SNX29: variants seen among roughly 807,000 people sequenced by gnomAD.
The protein encoded by SNX29 is sorting nexin 29.
SNX29 carries 78 observed loss-of-function variants against 102.1 expected under a neutral mutation model. The observed-to-expected ratio is 0.76, with a 90% CI of 0.64 to 0.92. The LOEUF (loss-of-function observed/expected upper bound fraction) is 0.92, where lower values mean the gene tolerates loss of function less well. Ranked by LOEUF, SNX29 falls within the 40% of genes least tolerant of loss-of-function variation. The pLI, the probability that SNX29 is intolerant of heterozygous loss-of-function variation, is 0.00. For synonymous variants in SNX29, 580 were observed against 414.5 expected, an observed-to-expected ratio of 1.40 and a Z score of -4.85; for missense variants, 1,280 against 1,061.7, an observed-to-expected ratio of 1.21 and a Z score of -2.86.
intron 11 of SNX29, among the ~76,000 whole-genome samples, chr16:12,125,746 C>A (rs1408121404): frequency 6.6e-6 from 1 of 151,176 alleles, no homozygotes; most frequent in South Asian, 2.1e-4. Flanking sequence ...CATGAGCCAC[C>A]GTGCCCGGCC....
intron 15 of SNX29, among the ~76,000 whole-genome samples, chr16:12,340,401 G>A (rs143626851): frequency 6.6e-6 from 1 of 152,344 alleles, no homozygotes; most frequent in Non-Finnish European, 1.5e-5. Flanking sequence ...TAGGATGTAA[G>A]CTCAGAGGAG....
intron 1 of SNX29, among the ~76,000 whole-genome samples, chr16:11,987,955 C>T (rs1196579361): frequency 6.6e-6 from 1 of 152,138 alleles, no homozygotes; most frequent in East Asian, 1.9e-4. Flanking sequence ...GTGGTGTGTA[C>T]TTGATTTATC....
chr16:12,242,983 T>G (rs1481464041), intron 14 of SNX29, among the ~76,000 whole-genome samples: 1 of 152,200 alleles, frequency 6.6e-6, no homozygotes, highest in East Asian at 1.9e-4. Flanking sequence ...CATCTCTCAG[T>G]TCAGCAGGAG....
intron 15 of SNX29, among the ~76,000 whole-genome samples, chr16:12,321,576 C>T (rs982520470): frequency 6.6e-6 from 1 of 152,080 alleles, no homozygotes; most frequent in African/African-American, 2.4e-5. Context: ...TGGAGCTGTG[C>T]AGGTGGTTGA....
At chr16:12,019,591 T>TAGATAGATAG (rs1555520333) in intron 3 of SNX29, among the ~76,000 whole-genome samples, 1,961 of 142,814 alleles carry the variant, frequency 0.014, 22 homozygotes, top group Non-Finnish European at 0.016. Flanking sequence ...AATATATATA[T>TAGATAGATAG]ATAGATAGAT....
intron 15 of SNX29, among the ~76,000 whole-genome samples, chr16:12,355,691 C>T (rs187525470): frequency 6.6e-6 from 1 of 151,930 alleles, no homozygotes; most frequent in South Asian, 2.1e-4. Context: ...CTGAGAATAT[C>T]GAATAATTCA....
At chr16:12,099,417 T>G (rs2052912870) in intron 11 of SNX29, among the ~76,000 whole-genome samples, 1 of 152,148 alleles carries the variant, frequency 6.6e-6, no homozygotes, top group African/African-American at 2.4e-5. Context: ...GTTGGGTATG[T>G]GTGAGGAAGG....
intron 9 of SNX29, among the ~76,000 whole-genome samples, chr16:12,063,320 C>G (rs1176358507): frequency 6.7e-6 from 1 of 148,762 alleles, no homozygotes; most frequent in Non-Finnish European, 1.5e-5. Context: ...TGGCCTCCCT[C>G]CACTTCCTGA....
intron 15 of SNX29, among the ~76,000 whole-genome samples, chr16:12,325,918 G>A (rs982074867): frequency 1.3e-5 from 2 of 152,036 alleles, no homozygotes; most frequent in African/African-American, 4.8e-5. Flanking sequence ...AGTTTCGACT[G>A]TTCAGGGAGA....
At chr16:12,536,072 A>C (rs2077069490) in intron 20 of SNX29, among the ~76,000 whole-genome samples, 1 of 152,110 alleles carries the variant, frequency 6.6e-6, no homozygotes, top group Non-Finnish European at 1.5e-5. Context: ...TCATTCATCT[A>C]ACACACCCAG....
intron 7 of SNX29, among the ~76,000 whole-genome samples, chr16:12,050,979 C>T (rs1021137358): frequency 7.9e-5 from 12 of 152,138 alleles, no homozygotes; most frequent in African/African-American, 2.9e-4. Context: ...CCTTGACCTC[C>T]CAAAGTGCTG....
intron 10 of SNX29, among the ~76,000 whole-genome samples, chr16:12,073,848 G>A (rs2051418412): frequency 6.6e-6 from 1 of 151,818 alleles, no homozygotes; most frequent in Non-Finnish European, 1.5e-5. Context: ...GAATCTGGGT[G>A]CTCCTGTATT....
chr16:12,153,385 G>T (rs1335243401), intron 13 of SNX29, among the ~76,000 whole-genome samples: 1 of 151,928 alleles, frequency 6.6e-6, no homozygotes, highest in Non-Finnish European at 1.5e-5. Flanking sequence ...GGCCGGTCTT[G>T]TGTACAGTCT....
intron 15 of SNX29, among the ~76,000 whole-genome samples, chr16:12,303,104 T>C (rs2080229639): frequency 6.6e-6 from 1 of 152,272 alleles, no homozygotes; most frequent in African/African-American, 2.4e-5. Context: ...AATCTTCTTT[T>C]GCAATTTACC....
intron 15 of SNX29, among the ~76,000 whole-genome samples, chr16:12,355,165 A>G (rs2082095369): frequency 6.6e-6 from 1 of 152,182 alleles, no homozygotes; most frequent in African/African-American, 2.4e-5. Flanking sequence ...TGAGAAGGAA[A>G]CATACCCCTT....
At chr16:12,512,628 C>T (rs2089681979) in intron 19 of SNX29, among the ~76,000 whole-genome samples, 1 of 147,716 alleles carries the variant, frequency 6.8e-6, no homozygotes, top group African/African-American at 2.4e-5. Flanking sequence ...GACGAGCATC[C>T]CATGGATACG....
chr16:12,443,154 G>T, intron 18 of SNX29: 1 of 397,804 alleles, frequency 2.5e-6, no homozygotes, highest in South Asian at 1.8e-5. Flanking sequence ...TAGGGCCTGC[G>T]TGGGCTTTCT....
chr16:12,427,767 G>A (rs2085141566), intron 18 of SNX29, among the ~76,000 whole-genome samples: 1 of 152,182 alleles, frequency 6.6e-6, no homozygotes. Context: ...TCTCTATGTT[G>A]GCTTCTGTTG....
At chr16:12,479,124 T>C (rs571329581) in intron 19 of SNX29, among the ~76,000 whole-genome samples, 1 of 152,346 alleles carries the variant, frequency 6.6e-6, no homozygotes, top group East Asian at 1.9e-4. Context: ...GGGCTCACCG[T>C]AGACATGCTG....
Sources: gnomAD v4.1 joint callset for allele counts (sites outside exome capture counted in the v4.1 genomes callset) on GRCh38, gnomAD v4.1.1 for gene constraint, MANE v1.5 for transcripts, NCBI Gene and HGNC (gene_info 2026-07-23, HGNC 2026-07-21) for gene names.